Variants in WDR11 observed in about 807,000 individuals in gnomAD.
The protein encoded by WDR11 is WD repeat-containing protein 11.
WDR11 carries 83 observed loss-of-function variants against 151.2 expected under a neutral mutation model. That is an observed-to-expected ratio of 0.55 (90% confidence interval 0.46 to 0.66). WDR11 has a LOEUF of 0.66. Among genes scored for constraint, WDR11 ranks in the 30% least tolerant of loss-of-function variants. The probability of loss-of-function intolerance (pLI) is 0.00; values close to 1 mark genes in which losing one functional copy is unlikely to be tolerated. For missense variants in WDR11, 1,301 were observed against 1,480.9 expected (o/e 0.88, Z 1.99); for synonymous variants, 484 against 533.1 (o/e 0.91, Z 1.27).
At chr10:120,852,982 G>T (rs1440855924) in intron 2 of WDR11, among the ~76,000 whole-genome samples, 2 of 152,222 alleles carry the variant, frequency 1.3e-5, no homozygotes, top group Non-Finnish European at 2.9e-5. Context: ...GTGATAGTGT[G>T]ATAAGTGAGA....
At chr10:120,889,276 C>A in intron 17 of WDR11, 92 bp downstream of exon 17, 2 of 895,690 alleles carry the variant, frequency 2.2e-6, no homozygotes, top group South Asian at 1.5e-5. Context: ...CTTGCTCTGT[C>A]GCCCAGGCTG....
chr10:120,878,440 A>T lies in WDR11; in HGVS notation c.1644A>T (p.Gln548His). 1 of 1,613,152 alleles carries T rather than the reference A, an allele frequency of 6.2e-7. No individual in the cohort carries two copies. Among genetic ancestry groups the T allele is most frequent in the Non-Finnish European group, 8.5e-7 (1 of 1,179,420 alleles). ...NNMGLVRNEL[Q>H]LVDLPTGRSI... ...TGGGATTAGTGAGAAATGAACTTCA[A>T]CTGGTTGATCTTCCAACAGGTTTGT... Residue 548 changes from glutamine (Q) to histidine (H), a missense_variant, in exon 12 of 29, where the codon CAA becomes CAT. By Grantham distance (24) the Gln-to-His change is conservative. Around this residue, in one of 3 missense-constraint regions of WDR11, gnomAD observed 692 missense variants for 762.5 expected, o/e 0.91. Transcript: ENST00000263461.
intron 2 of WDR11, among the ~76,000 whole-genome samples, chr10:120,857,966 G>C (rs12098725): frequency 0.047 from 7,206 of 152,238 alleles, 578 homozygotes; most frequent in African/African-American, 0.16. Context: ...TGAGAAGAGA[G>C]GGGTGGTAGT....
At chr10:120,860,033 T>C in intron 3 of WDR11, 76 bp from the exon 4 acceptor site, 1 of 1,552,664 alleles carries the variant, frequency 6.4e-7, no homozygotes, top group Non-Finnish European at 8.9e-7. Flanking sequence ...AAAAACTAAA[T>C]ATCAAGGACA....
At chr10:120,884,779 AAAATGAAC>A (rs1847157354) in intron 14 of WDR11, among the ~76,000 whole-genome samples, 2 of 152,198 alleles carry the variant, frequency 1.3e-5, no homozygotes, top group Non-Finnish European at 2.9e-5. Flanking sequence ...CCCTAGTGAG[AAAATGAAC>A]AAAGTCTGTG....
intron 13 of WDR11, among the ~76,000 whole-genome samples, chr10:120,881,734 G>T (rs1354352825): frequency 1.3e-5 from 2 of 152,054 alleles, no homozygotes; most frequent in African/African-American, 4.8e-5. Flanking sequence ...GCTAAGCTTA[G>T]TTATTACTTC....
intron 28 of WDR11, chr10:120,907,642 A>G (rs1206930476): frequency 6.7e-6 from 1 of 150,096 alleles, no homozygotes; most frequent in Admixed American, 6.6e-5. Context: ...ACTAAACTAA[A>G]AATTTTTTTT....
intron 21 of WDR11, among the ~76,000 whole-genome samples, chr10:120,901,840 G>A (rs1283697687): frequency 6.6e-6 from 1 of 152,150 alleles, no homozygotes; most frequent in Non-Finnish European, 1.5e-5. Context: ...ACTTATAAAA[G>A]CACAAGCCAT....
chr10:120,886,059 A>G (rs1309036691), intron 15 of WDR11, 121 bp downstream of exon 15: 2 of 1,294,470 alleles, frequency 1.5e-6, no homozygotes, highest in Middle Eastern at 2.6e-4. Context: ...GAACATACTT[A>G]GTTTCATCTT....
intron 5 of WDR11, 95 bp downstream of exon 5, chr10:120,863,016 C>T: frequency 1.2e-6 from 1 of 837,598 alleles, no homozygotes. Flanking sequence ...TTCTTCATCT[C>T]ACTTTTTCTC....
chr10:120,900,407 G>A lies in WDR11; in HGVS notation c.2624+270G>A, dbSNP rs74158345. Among the ~76,000 whole-genome samples, 7,391 of 152,210 alleles carry A rather than the reference G, an allele frequency of 0.049. 617 individuals carry two copies. The highest frequency in any genetic ancestry group is 0.17 in the African/African-American group (6,952 of 41,496). On this transcript the variant is annotated intron_variant, in intron 20 of 28. Coordinates refer to ENST00000263461, the MANE Select transcript of WDR11 (RefSeq NM_018117.12). ...CTGAACATGGATGTGTCGTGATGAT[G>A]AAAAGGATGCGTGTGAAGAGGGCAA...
rs760938867 is a variant in WDR11 at position 120,885,834 on chromosome 10, C to T, written c.1869C>T (p.Asn623=). The T allele has an allele frequency of 6.2e-7, 1 of 1,613,774 alleles. No homozygotes were observed. The highest frequency in any genetic ancestry group is 1.7e-4 in the Middle Eastern group (1 of 6,060). ...ITALEWSPSH[N]LKSLRKKQLA... ...TACAGGAGTGGTCACCATCTCACAA[C>T]TTGAAGAGCCTGAGAAAGAAGCAAC... Residue 623 remains asparagine (N), a synonymous_variant, in exon 15 of 29, where the codon AAC becomes AAT. Transcript: ENST00000263461.
chr10:120,869,357 C>A (rs1846441026), intron 9 of WDR11, among the ~76,000 whole-genome samples: 1 of 152,004 alleles, frequency 6.6e-6, no homozygotes, highest in East Asian at 1.9e-4. Flanking sequence ...TCGTGATCCG[C>A]CCGCCTCGGC....
At chr10:120,857,082 A>G (rs975672848) in intron 2 of WDR11, among the ~76,000 whole-genome samples, 2 of 151,966 alleles carry the variant, frequency 1.3e-5, no homozygotes, top group Admixed American at 6.6e-5. Flanking sequence ...ATTATCACAT[A>G]TATATATATG....
intron 3 of WDR11, 33 bp from the exon 4 acceptor site, chr10:120,860,076 T>A: frequency 1.2e-6 from 2 of 1,614,034 alleles, no homozygotes; most frequent in Non-Finnish European, 1.7e-6. Context: ...GTGTGGTTTC[T>A]GAATTTTGCC....
intron 9 of WDR11, 115 bp from the exon 10 acceptor site, chr10:120,871,055 A>T: frequency 9.2e-7 from 1 of 1,082,434 alleles, no homozygotes; most frequent in Non-Finnish European, 1.4e-6. Flanking sequence ...AAAGTACTAC[A>T]TTAACTACAT....
intron 8 of WDR11, 132 bp from the exon 9 acceptor site, chr10:120,866,934 C>T (rs1846335669): frequency 1.9e-6 from 2 of 1,039,500 alleles, no homozygotes; most frequent in South Asian, 2.9e-5. Context: ...AGAGCTATTT[C>T]ACCTATGGGT....
chr10:120,893,492 T>C (rs1322690844), intron 19 of WDR11, among the ~76,000 whole-genome samples: 1 of 152,104 alleles, frequency 6.6e-6, no homozygotes, highest in Admixed American at 6.6e-5. Context: ...CATGTGTCTT[T>C]ATAGTAGCAT....
chr10:120,896,853 T>C (rs1371115088), intron 19 of WDR11, among the ~76,000 whole-genome samples: 3 of 152,164 alleles, frequency 2.0e-5, no homozygotes, highest in Non-Finnish European at 4.4e-5. Context: ...ACATGTATGT[T>C]CCCTGGCTCT....
Sources: gnomAD v4.1 joint callset for allele counts (sites outside exome capture counted in the v4.1 genomes callset) on GRCh38, gnomAD v4.1.1 for gene constraint, gnomAD v4.1.1 regional missense constraint, MANE v1.5 for transcripts, NCBI Gene and HGNC (gene_info 2026-07-23, HGNC 2026-07-21) for gene names.